Variants in ATF6 observed in about 807,000 individuals in gnomAD.
The protein encoded by ATF6 is activating transcription factor 6, also known as cyclic AMP-dependent transcription factor ATF-6 alpha.
A neutral mutation model predicts 83.6 loss-of-function variants in ATF6; 53 were observed. The observed-to-expected ratio is 0.63, with a 90% confidence interval of 0.51 to 0.80. The LOEUF is 0.80. Among genes scored for constraint, ATF6 ranks in the 30% least tolerant of loss-of-function variants. The pLI is 0.00. For missense variants in ATF6, 744 were observed against 797.9 expected, an observed-to-expected ratio of 0.93 and a Z score of 0.81; for synonymous variants, 288 against 285.8, an observed-to-expected ratio of 1.01 and a Z score of -0.08.
chr1:161,924,449 G>T (rs1393273167), intron 15 of ATF6, among the ~76,000 whole-genome samples: 1 of 152,182 alleles, frequency 6.6e-6, no homozygotes, highest in Admixed American at 6.5e-5. Flanking sequence ...TATAAATGCA[G>T]ATTGTTAATT....
intron 13 of ATF6, among the ~76,000 whole-genome samples, 170 bp downstream of exon 13, chr1:161,860,447 C>G (rs1313538601): frequency 6.7e-6 from 1 of 150,370 alleles, no homozygotes; most frequent in Non-Finnish European, 1.5e-5. Context: ...TAACATACTA[C>G]TGAGCAGTTG....
At chr1:161,778,624 T>G (rs1461195721) in intron 2 of ATF6, among the ~76,000 whole-genome samples, 1 of 152,184 alleles carries the variant, frequency 6.6e-6, no homozygotes, top group Non-Finnish European at 1.5e-5. Flanking sequence ...AATTGGCAGG[T>G]GACTTTGGAA....
chr1:161,860,910 T>G (rs1269530042), intron 13 of ATF6, among the ~76,000 whole-genome samples: 1 of 152,114 alleles, frequency 6.6e-6, no homozygotes, highest in African/African-American at 2.4e-5. Context: ...AAATATAATA[T>G]GGGAAGCAAT....
chr1:161,912,226 C>T (rs929655846), intron 14 of ATF6, 70 bp from the exon 15 acceptor site: 40 of 951,550 alleles, frequency 4.2e-5, no homozygotes, highest in Non-Finnish European at 5.5e-5. Flanking sequence ...CTCTTAGAAG[C>T]CCTGAATTTG....
In ATF6 at chr1:161,802,165, C is replaced by G; in HGVS notation, c.802C>G (p.His268Asp). The G allele has an allele frequency of 1.2e-6, 2 of 1,614,102 alleles. No individual in the cohort carries two copies. Among genetic ancestry groups the G allele is most frequent in the Non-Finnish European group, 1.7e-6 (2 of 1,180,002 alleles). ...TGGGGGAGTCACACAGCTCCCTAAT[C>G]ACGTGGTGAATGTGGTACCAGCCCC... ...VAGGVTQLPN[H>D]VVNVVPAPSA... Residue 268 changes from histidine (H) to aspartate (D), a missense_variant, in exon 7 of 16, where the codon CAC (histidine) becomes GAC (aspartate). Physicochemically the swap from His to Asp is moderately conservative, Grantham distance 81 (BLOSUM62 -1). Transcript: ENST00000367942.
At chr1:161,866,446 C>T (rs1374118986) in intron 14 of ATF6, among the ~76,000 whole-genome samples, 1 of 152,180 alleles carries the variant, frequency 6.6e-6, no homozygotes, top group African/African-American at 2.4e-5. Flanking sequence ...AGAAAAAATG[C>T]TTATGATCCC....
At chr1:161,779,722 G>C (rs760326724) in intron 2 of ATF6, among the ~76,000 whole-genome samples, 9 of 152,024 alleles carry the variant, frequency 5.9e-5, no homozygotes, top group Non-Finnish European at 1.3e-4. Context: ...GGATTTTTTG[G>C]TTGCTAAAAC....
intron 1 of ATF6, among the ~76,000 whole-genome samples, chr1:161,766,910 G>A (rs1418967221): frequency 6.6e-6 from 1 of 152,210 alleles, no homozygotes; most frequent in African/African-American, 2.4e-5. Context: ...GTTTAAGCCT[G>A]ATGTCCGTCT....
chr1:161,772,840 T>C (rs1406522457), intron 1 of ATF6, among the ~76,000 whole-genome samples: 1 of 151,966 alleles, frequency 6.6e-6, no homozygotes, highest in Non-Finnish European at 1.5e-5. Flanking sequence ...ACTGCATTTC[T>C]CTACTGTATG....
chr1:161,833,121 C>T (rs868665216), intron 9 of ATF6, among the ~76,000 whole-genome samples: 8 of 152,290 alleles, frequency 5.3e-5, no homozygotes, highest in Middle Eastern at 6.8e-3. Context: ...CTGCAGCCAC[C>T]GCTGCTGATA....
chr1:161,772,843 A>G (rs1321188310), intron 1 of ATF6, among the ~76,000 whole-genome samples: 2 of 150,462 alleles, frequency 1.3e-5, no homozygotes, highest in Non-Finnish European at 3.0e-5. Flanking sequence ...GCATTTCTCT[A>G]CTGTATGTTA....
chr1:161,864,548 G>C (rs747912748), intron 14 of ATF6, among the ~76,000 whole-genome samples: 39 of 152,154 alleles, frequency 2.6e-4, no homozygotes, highest in Non-Finnish European at 4.0e-4. Context: ...TAGCAGCTCA[G>C]GTTTTTAGGA....
At chr1:161,952,474 T>C (rs1688884639) in intron 15 of ATF6, among the ~76,000 whole-genome samples, 1 of 152,094 alleles carries the variant, frequency 6.6e-6, no homozygotes, top group African/African-American at 2.4e-5. Context: ...ATAGCACTTA[T>C]TCATCATTCT....
chr1:161,838,891 C>T (rs190320845), intron 9 of ATF6, among the ~76,000 whole-genome samples: 33 of 152,242 alleles, frequency 2.2e-4, no homozygotes, highest in African/African-American at 7.2e-4. Context: ...TAATAAATTA[C>T]CCCCAGTTAC....
intron 9 of ATF6, among the ~76,000 whole-genome samples, chr1:161,831,634 T>C (rs1268763428): frequency 6.6e-6 from 1 of 152,144 alleles, no homozygotes; most frequent in Admixed American, 6.5e-5. Flanking sequence ...GATGAGTTCA[T>C]GTCCTTTGTA....
intron 9 of ATF6, among the ~76,000 whole-genome samples, chr1:161,841,395 A>G (rs1686355700): frequency 1.3e-5 from 2 of 152,202 alleles, no homozygotes; most frequent in Admixed American, 1.3e-4. Flanking sequence ...TGGACAATCA[A>G]CTTGTCTGTA....
chr1:161,843,184 C>T (rs1245476618), intron 9 of ATF6, among the ~76,000 whole-genome samples: 2 of 152,136 alleles, frequency 1.3e-5, no homozygotes, highest in South Asian at 2.1e-4. Flanking sequence ...TTAACATGCA[C>T]ATCTTTGAGA....
chr1:161,846,517 T>C lies in ATF6; in HGVS notation c.1256T>C (p.Leu419Pro). Residue 419 changes from leucine (L) to proline (P), a missense_variant, in exon 10 of 16, where the codon CTA becomes CCA. Transcript: ENST00000367942. ...CCTGCAAATCAAAGGAGGCACCTTC[T>C]AGGATTTTCTGCTAAAGAGGCACAG... ...VSPANQRRHL[L>P]GFSAKEAQDT... 1.2e-6 allele frequency: 2 copies of C among 1,612,106 alleles called. No homozygotes were observed. Among genetic ancestry groups the C allele is most frequent in the South Asian group, 1.1e-5 (1 of 90,972 alleles).
intron 15 of ATF6, among the ~76,000 whole-genome samples, chr1:161,952,530 T>C (rs1327286985): frequency 1.3e-5 from 2 of 152,070 alleles, no homozygotes; most frequent in Non-Finnish European, 2.9e-5. Context: ...TCTCACTCTC[T>C]TTTTTTATAA....
Sources: gnomAD v4.1 joint callset for allele counts (sites outside exome capture counted in the v4.1 genomes callset) on GRCh38, gnomAD v4.1.1 for gene constraint, MANE v1.5 for transcripts, NCBI Gene and HGNC (gene_info 2026-07-23, HGNC 2026-07-21) for gene names.